AFTPH: variants seen among roughly 807,000 people sequenced by gnomAD.
AFTPH encodes the protein aftiphilin.
A neutral mutation model predicts 72.5 loss-of-function variants in AFTPH; 7 were observed. The observed-to-expected ratio is 0.10, with a 90% CI of 0.05 to 0.18. The LOEUF (loss-of-function observed/expected upper bound fraction) is 0.18. Ranked by LOEUF, AFTPH falls within the 10% of genes least tolerant of loss-of-function variation. The pLI, the probability that AFTPH is intolerant of heterozygous loss-of-function variation, is 1.00. For missense variants in AFTPH, 979 were observed against 1,060.5 expected (o/e 0.92, Z 1.07); for synonymous variants, 337 against 370.1 (o/e 0.91, Z 1.03).
rs1243472946 is a variant in AFTPH at position 64,548,433 on chromosome 2, A to AAAAAAAAAC, written c.-32-3008_-32-3007insAAAAAACAA. Among the ~76,000 whole-genome samples the AAAAAAAAAC allele has an allele frequency of 3.6e-3, 372 of 102,554 alleles. 40 individuals carry two copies. Among genetic ancestry groups the AAAAAAAAAC allele is most frequent in the South Asian group, 5.8e-3 (16 of 2,760 alleles). The allele number at this position is 102,554 out of a possible 152,430, so 67.3% of individuals were successfully genotyped here. ...AAAAAAAAAAAAAAAAAAAAAAAAA[A>AAAAAAAAAC]AACTTTAGAAAAAGGAATCCTGTAG... On this transcript the variant is annotated intron_variant, in intron 1 of 8. Coordinates refer to ENST00000238856, the Ensembl canonical transcript of AFTPH.
At chr2:64,563,503 A>G (rs562590493) in intron 2 of AFTPH, among the ~76,000 whole-genome samples, 2 of 152,340 alleles carry the variant, frequency 1.3e-5, no homozygotes, top group South Asian at 2.1e-4. Context: ...TCTGGTCATA[A>G]GAGAAACTGT....
Position 64,533,093 on chromosome 2 carries a change from T to A in AFTPH, c.-33+8481T>A, listed in dbSNP as rs1669714006. Among the ~76,000 whole-genome samples the A allele has an allele frequency of 2.0e-5, 3 of 152,102 alleles. No homozygotes were observed. The South Asian group carries it at 6.2e-4, about 32-fold the overall frequency. The stretch of plus-strand genomic sequence containing the variant: ...AGACAATTATGAATAGGTATTGATG[T>A]TTCTGCTGTATTAATAGATCTAGGC... On this transcript the variant is annotated intron_variant, in intron 1 of 8. Transcript: ENST00000238856.
chr2:64,586,851 G>A (rs1673548705), intron 8 of AFTPH, among the ~76,000 whole-genome samples: 1 of 152,096 alleles, frequency 6.6e-6, no homozygotes. Flanking sequence ...GAAAAAAATG[G>A]ATGAGAAATT....
intron 6 of AFTPH, among the ~76,000 whole-genome samples, chr2:64,576,086 CA>C (rs1263210091): frequency 8.5e-5 from 8 of 94,242 alleles, no homozygotes; most frequent in Non-Finnish European, 1.3e-4. Flanking sequence ...CACACACACA[CA>C]CACACACACA....
intron 7 of AFTPH, 56 bp downstream of exon 7, chr2:64,579,602 GTTCAGACAAACTTCTCTCTGCTGAT>G: frequency 6.8e-7 from 1 of 1,479,276 alleles, no homozygotes; most frequent in Non-Finnish European, 9.4e-7. Flanking sequence ...AAGCTACAAA[GTTCAGACAAACTTCTCTCTGCTGAT>G]TTCCTTTTTT....
intron 1 of AFTPH, among the ~76,000 whole-genome samples, chr2:64,550,355 C>T (rs1424911121): frequency 6.6e-6 from 1 of 152,014 alleles, no homozygotes; most frequent in African/African-American, 2.4e-5. Flanking sequence ...TAGTGAGACC[C>T]TGTCTCTGAA....
rs145723625 is a variant in AFTPH, at chr2:64,551,336, A to G, written c.-32-107A>G. 71 of 836,338 alleles carry G rather than the reference A, an allele frequency of 8.5e-5. No homozygotes were observed. The African/African-American group carries it at 8.9e-4, about 11-fold the overall frequency. 51.8% of individuals were successfully genotyped at this position (836,338 alleles called of 1,614,324 possible). Reference sequence around the variant, plus strand: ...GGTCAAGGAAAAAAGGAGACAAAATAGAGCATTGTAAATTTGCATTGTTTT... The same window carrying G: ...GGTCAAGGAAAAAAGGAGACAAAATGGAGCATTGTAAATTTGCATTGTTTT... On this transcript the variant is annotated intron_variant, in intron 1 of 8. Coordinates refer to ENST00000238856, the Ensembl canonical transcript of AFTPH.
chr2:64,537,071 A>G (rs2103834461), intron 1 of AFTPH, among the ~76,000 whole-genome samples: 1 of 152,082 alleles, frequency 6.6e-6, no homozygotes, highest in East Asian at 1.9e-4. Flanking sequence ...CTCTTTTTTA[A>G]TGGCTGCACT....
intron 1 of AFTPH, among the ~76,000 whole-genome samples, chr2:64,550,371 AAAAAG>A (rs939419878): frequency 2.0e-5 from 3 of 152,184 alleles, no homozygotes; most frequent in Non-Finnish European, 4.4e-5. Context: ...CTGAAAAAAG[AAAAAG>A]AAAAGGAATG....
chr2:64,573,136 C>T, intron 6 of AFTPH, 68 bp downstream of exon 6: 1 of 1,175,060 alleles, frequency 8.5e-7, no homozygotes, highest in South Asian at 1.7e-5. Context: ...CACATACTGC[C>T]TTTTTCCTTC....
chr2:64,572,794 CT>C lies in AFTPH; in HGVS notation c.2272-150del, dbSNP rs1672520776. The stretch of plus-strand genomic sequence containing the variant: ...GGCCAGCCTGGGCAACTAGTGAGAC[CT>C]TGTCTCTTAAAAAAAAAAAAAGACT... On this transcript the variant is annotated intron_variant, in intron 5 of 8. Coordinates refer to ENST00000238856, the Ensembl canonical transcript of AFTPH. 2.8e-6 allele frequency: 3 copies of C among 1,068,072 alleles called. No individual in the cohort carries two copies. The Admixed American group carries it at 9.4e-5, about 33-fold the overall frequency. 66.2% of individuals were successfully genotyped at this position (1,068,072 alleles called of 1,614,324 possible).
chr2:64,537,591 TAAAC>T lies in AFTPH; in HGVS notation c.-33+12982_-33+12985del, dbSNP rs1362974504. 2.6e-5 allele frequency among the ~76,000 whole-genome samples: 4 copies of T among 152,338 alleles called. No homozygotes were observed. In the East Asian group the frequency reaches 5.8e-4, roughly 22 times the overall value. On this transcript the variant is annotated intron_variant, in intron 1 of 8. Coordinates refer to ENST00000238856, the Ensembl canonical transcript of AFTPH. Reference sequence around the variant, plus strand: ...CCAGAAAAGTTAATGTTTGCAAACTTAAACAATTGCTAAATGCTTTCTGAAAGTG... The same window carrying T: ...CCAGAAAAGTTAATGTTTGCAAACTTAATTGCTAAATGCTTTCTGAAAGTG...
At chr2:64,541,446 G>GA (rs910838421) in intron 1 of AFTPH, among the ~76,000 whole-genome samples, 1 of 152,030 alleles carries the variant, frequency 6.6e-6, no homozygotes, top group African/African-American at 2.4e-5. Flanking sequence ...CACCCAAAAA[G>GA]AAAAAACAAT....
intron 8 of AFTPH, among the ~76,000 whole-genome samples, chr2:64,588,633 CATT>C (rs1368766899): frequency 6.6e-6 from 1 of 152,228 alleles, no homozygotes; most frequent in Admixed American, 6.5e-5. Flanking sequence ...AGTGATATCT[CATT>C]GACATTTTTG....
chr2:64,545,509 C>G (rs1337561848), intron 1 of AFTPH, among the ~76,000 whole-genome samples: 2 of 133,852 alleles, frequency 1.5e-5, no homozygotes, highest in African/African-American at 5.7e-5. Context: ...ACCAAAATGT[C>G]CTTCAGCAGG....
intron 7 of AFTPH, 86 bp from the exon 8 acceptor site, chr2:64,581,104 T>C: frequency 1.2e-6 from 1 of 800,902 alleles, no homozygotes; most frequent in Non-Finnish European, 2.0e-6. Flanking sequence ...TTCAAGTGTG[T>C]GTCTTACCCC....
chr2:64,553,598 A>G (rs1671179216), intron 2 of AFTPH, among the ~76,000 whole-genome samples, 189 bp downstream of exon 2: 1 of 151,946 alleles, frequency 6.6e-6, no homozygotes. Context: ...AAATAGTCCT[A>G]TAGTAAAGCG....
At chr2:64,540,859 G>A (rs933664720) in intron 1 of AFTPH, among the ~76,000 whole-genome samples, 1 of 151,986 alleles carries the variant, frequency 6.6e-6, no homozygotes, top group African/African-American at 2.4e-5. Context: ...ATTTTTGTTG[G>A]TTATACTGTA....
chr2:64,592,601 T>C (rs1338370568), exon 9 of AFTPH: 1 of 145,232 alleles, frequency 6.9e-6, no homozygotes. Context: ...TTTTGCAAGG[T>C]ACTTAATTGC....
Sources: allele counts gnomAD v4.1 joint callset (sites outside exome capture counted in the v4.1 genomes callset), GRCh38; gene constraint gnomAD v4.1.1; transcripts MANE v1.5; gene names NCBI Gene and HGNC (gene_info 2026-07-23, HGNC 2026-07-21).